SRPX: variants seen among roughly 807,000 people sequenced by gnomAD.
The protein encoded by SRPX is sushi repeat-containing protein SRPX.
Under a neutral mutation model 38.1 loss-of-function variants are expected in SRPX, and 24 were observed. The observed-to-expected ratio is 0.63, with a 90% CI of 0.46 to 0.89. The LOEUF (loss-of-function observed/expected upper bound fraction) is 0.89, where lower values mean the gene tolerates loss of function less well. Among genes scored for constraint, SRPX ranks in the 40% least tolerant of loss-of-function variants. The pLI is 0.00. For missense variants in SRPX, 416 were observed against 377.8 expected (o/e 1.10, Z -0.84); for synonymous variants, 184 against 153.8 (o/e 1.20, Z -1.45).
chrX:38,191,714 G>A (rs1832616044), intron 1 of SRPX, among the ~76,000 whole-genome samples: 1 of 111,654 alleles, frequency 9.0e-6, no homozygotes, highest in African/African-American at 3.3e-5. Flanking sequence ...GGTGACTGAC[G>A]ACTGACAGAG....
intron 1 of SRPX, among the ~76,000 whole-genome samples, chrX:38,205,136 G>T (rs1939186362): frequency 2.7e-5 from 3 of 112,412 alleles, no homozygotes; most frequent in Non-Finnish European, 5.6e-5. Flanking sequence ...CAGTGAGAGA[G>T]ACAGAGAAAA....
intron 5 of SRPX, among the ~76,000 whole-genome samples, chrX:38,161,475 G>T (rs1216618104): frequency 9.7e-6 from 1 of 103,127 alleles, no homozygotes; most frequent in Admixed American, 1.0e-4. Context: ...GCAGTCACTG[G>T]CAATTTGGGC....
chrX:38,187,581 T>G (rs1445009792), intron 1 of SRPX, among the ~76,000 whole-genome samples: 2 of 112,433 alleles, frequency 1.8e-5, no homozygotes, highest in Admixed American at 1.9e-4. Context: ...CTATATGCCT[T>G]TATGACTTAA....
intron 1 of SRPX, among the ~76,000 whole-genome samples, chrX:38,188,375 G>A (rs1938828397): frequency 8.9e-6 from 1 of 111,991 alleles, no homozygotes; most frequent in Non-Finnish European, 1.9e-5. Context: ...GTGCCTCAGC[G>A]ATACCAACCA....
chrX:38,173,940 G>C (rs1938522599), intron 3 of SRPX, among the ~76,000 whole-genome samples: 1 of 111,928 alleles, frequency 8.9e-6, no homozygotes, highest in Non-Finnish European at 1.9e-5. Context: ...CTCATTTTCT[G>C]AACAATGATC....
chrX:38,190,396 C>G (rs750147777), intron 1 of SRPX, among the ~76,000 whole-genome samples: 1 of 111,923 alleles, frequency 8.9e-6, no homozygotes, highest in South Asian at 3.8e-4. Flanking sequence ...AAAACATTCT[C>G]CGGTTCCCCA....
chrX:38,220,772 CCGATGTGCGGGG>C lies in SRPX; in HGVS notation c.9_20del (p.Ser3_His6del). On this transcript the variant is annotated inframe_deletion, in exon 1 of 10. Transcript: ENST00000378533. ...GCGGCAGCAGCAGCAGCAGCGCGGG[CCGATGTGCGGGG>C]CTCCCCATGGCGAGCGGGCGCTTAG... is the stretch of plus-strand genomic sequence containing the variant. The C allele has an allele frequency of 1.3e-5, 15 of 1,131,549 alleles. No individual in the cohort carries two copies. Among genetic ancestry groups the C allele is most frequent in the Non-Finnish European group, 1.7e-5 (15 of 862,126 alleles). 93.3% of individuals were successfully genotyped at this position (1,131,549 alleles called of 1,213,427 possible).
intron 1 of SRPX, among the ~76,000 whole-genome samples, chrX:38,180,383 T>G (rs753497779): frequency 8.9e-6 from 1 of 111,769 alleles, no homozygotes; most frequent in East Asian, 2.8e-4. Context: ...GACATAAGTA[T>G]TTCCCAGGAG....
At chrX:38,209,057 C>T (rs1366814725) in intron 1 of SRPX, among the ~76,000 whole-genome samples, 22 of 107,327 alleles carry the variant, frequency 2.0e-4, no homozygotes, top group Admixed American at 1.8e-3. Flanking sequence ...TTTTTGAAAG[C>T]CTTGTTAAAG....
intron 6 of SRPX, among the ~76,000 whole-genome samples, chrX:38,160,668 C>A (rs1938229915): frequency 9.0e-6 from 1 of 111,431 alleles, no homozygotes; most frequent in Non-Finnish European, 1.9e-5. Flanking sequence ...GAATAATATT[C>A]TTCTAGGACA....
chrX:38,151,101 G>T (rs1178269950), intron 9 of SRPX, among the ~76,000 whole-genome samples: 3 of 112,195 alleles, frequency 2.7e-5, no homozygotes, highest in African/African-American at 9.7e-5. Context: ...CCTTTTAAGA[G>T]GGAGTTTCGA....
chrX:38,201,850 C>T (rs1368240919), intron 1 of SRPX, among the ~76,000 whole-genome samples: 2 of 107,936 alleles, frequency 1.9e-5, no homozygotes, highest in Non-Finnish European at 3.8e-5. Context: ...TTTGGGGTAA[C>T]ACTGAATTGG....
chrX:38,164,229 G>C (rs1057392137), intron 5 of SRPX, among the ~76,000 whole-genome samples: 59 of 110,292 alleles, frequency 5.3e-4, no homozygotes, highest in African/African-American at 1.8e-3. Flanking sequence ...TGCAACCTCA[G>C]CCTCACAGGT....
At chrX:38,186,096 G>T (rs1243530094) in intron 1 of SRPX, among the ~76,000 whole-genome samples, 1 of 110,937 alleles carries the variant, frequency 9.0e-6, no homozygotes, top group African/African-American at 3.3e-5. Context: ...TTGGCAGAAG[G>T]GACACCATAT....
At chrX:38,173,866 C>T (rs937312916) in intron 3 of SRPX, among the ~76,000 whole-genome samples, 3 of 111,842 alleles carry the variant, frequency 2.7e-5, no homozygotes, top group Non-Finnish European at 5.6e-5. Flanking sequence ...GACCCATGTG[C>T]GTCTTATTTG....
At chrX:38,164,689 T>A (rs1938330287) in intron 5 of SRPX, 80 bp downstream of exon 5, 6 of 1,094,011 alleles carry the variant, frequency 5.5e-6, no homozygotes, top group Non-Finnish European at 7.4e-6. Context: ...TAGACCAGCA[T>A]ATATACACTC....
chrX:38,220,751 C>T lies in SRPX; in HGVS notation c.42G>A (p.Leu14=). The change falls in exon 1 of 10, where the codon CTG becomes CTA. Residue 14 remains leucine (L), a synonymous_variant. Transcript: ENST00000378533. The part of the protein sequence containing the change: ...PAHRPALLLL[L]PPLLLLLLLR... ...GCAGCAGCAGCAGCAGCAGAGGCGG[C>T]AGCAGCAGCAGCAGCGCGGGCCGAT... The T allele has an allele frequency of 1.0e-6, 1 of 978,668 alleles. No individual in the cohort carries two copies. 80.7% of individuals were successfully genotyped at this position (978,668 alleles called of 1,213,427 possible).
Position 38,157,111 on chromosome X carries a change from T to C in SRPX, c.956-82A>G. 3 of 1,101,713 alleles carry C rather than the reference T, an allele frequency of 2.7e-6. No homozygotes were observed. In the South Asian group the frequency reaches 6.5e-5, roughly 24 times the overall value. The allele number at this position is 1,101,713 out of a possible 1,213,427, so 90.8% of individuals were successfully genotyped here. ...GAGCCTATGATGACACACAGAACCA[T>C]TTGTGTAAGAAGTAAACCCTGAGAT... On this transcript the variant is annotated intron_variant, in intron 7 of 9. Coordinates refer to ENST00000378533, the MANE Select transcript of SRPX (RefSeq NM_006307.5).
At chrX:38,157,140 G>A (rs1938149403) in intron 7 of SRPX, 111 bp from the exon 8 acceptor site, 2 of 966,260 alleles carry the variant, frequency 2.1e-6, no homozygotes, top group African/African-American at 3.9e-5. Flanking sequence ...CTGAGATAAG[G>A]ATTCAAGTGT....
Sources: gnomAD v4.1 joint callset for allele counts (sites outside exome capture counted in the v4.1 genomes callset) on GRCh38, gnomAD v4.1.1 for gene constraint, MANE v1.5 for transcripts, NCBI Gene and HGNC (gene_info 2026-07-23, HGNC 2026-07-21) for gene names.